The following AK7 variants were observed in gnomAD, a reference collection of about 807,000 sequenced individuals.
AK7 encodes ATP-AMP transphosphorylase 7.
AK7 carries 78 observed loss-of-function variants against 96.6 expected under a neutral mutation model. The ratio of observed to expected loss-of-function variants is 0.81; its 90% CI spans 0.67 to 0.97. The LOEUF is 0.97. Among genes scored for constraint, AK7 ranks in the 50% least tolerant of loss-of-function variants. AK7 has a pLI of 0.00. For missense variants in AK7, 855 were observed against 887.9 expected, an observed-to-expected ratio of 0.96 and a Z score of 0.47; for synonymous variants, 302 against 317.2, an observed-to-expected ratio of 0.95 and a Z score of 0.51.
intron 5 of AK7, chr14:96,424,077 C>T: frequency 1.4e-6 from 1 of 709,274 alleles, no homozygotes; most frequent in Non-Finnish European, 2.6e-6. Context: ...TGGGTCTGTT[C>T]TTCACCTGGG....
intron 17 of AK7, 42 bp from the exon 18 acceptor site, chr14:96,488,263 A>G (rs764091062): frequency 6.4e-7 from 1 of 1,560,560 alleles, no homozygotes; most frequent in South Asian, 1.1e-5. Flanking sequence ...CATGACTAAT[A>G]ATAACTTGTA....
At position 96,395,800 on chromosome 14, in the gene AK7, ATTTTTTTT is replaced by A. The variant is rs1172936912; in HGVS notation, c.106-2252_106-2245del. On this transcript the variant is annotated intron_variant, in intron 1 of 17. Coordinates refer to ENST00000267584, the MANE Select transcript of AK7 (RefSeq NM_152327.5). ...TAAATTAATCCCCTTTTGATTTTGA[ATTTTTTTT>A]TTTTTTTTTTTTTTTTTTTTTTGAG... Among the ~76,000 whole-genome samples the A allele has an allele frequency of 2.3e-4, 16 of 69,036 alleles. No individual in the cohort carries two copies. The East Asian group carries it at 5.7e-3, about 24-fold the overall frequency. 45.3% of individuals were successfully genotyped at this position (69,036 alleles called of 152,430 possible).
intron 12 of AK7, among the ~76,000 whole-genome samples, chr14:96,464,975 G>A (rs1172952430): frequency 1.3e-5 from 2 of 152,170 alleles, no homozygotes; most frequent in African/African-American, 4.8e-5. Flanking sequence ...CACTAAGGAT[G>A]TATCTAGCTT....
At chr14:96,424,792 T>C (rs1284410354) in intron 5 of AK7, among the ~76,000 whole-genome samples, 2 of 152,202 alleles carry the variant, frequency 1.3e-5, no homozygotes, top group Non-Finnish European at 2.9e-5. Context: ...GATTAGATGG[T>C]TTAAATTTAT....
chr14:96,429,172 T>TC (rs201328021), intron 5 of AK7, among the ~76,000 whole-genome samples: 10,653 of 152,214 alleles, frequency 0.07, 1,290 homozygotes, highest in African/African-American at 0.24. Flanking sequence ...GTTTCAGCTT[T>TC]TAGATATGGC....
intron 5 of AK7, among the ~76,000 whole-genome samples, chr14:96,437,357 A>T (rs1026351429): frequency 6.6e-6 from 1 of 152,172 alleles, no homozygotes; most frequent in African/African-American, 2.4e-5. Context: ...ACCCACAAAT[A>T]TTAAAAATTA....
intron 7 of AK7, 132 bp from the exon 8 acceptor site, chr14:96,446,385 T>C (rs1195079435): frequency 4.3e-6 from 3 of 705,210 alleles, no homozygotes; most frequent in East Asian, 5.2e-5. Context: ...CCTGACCGTA[T>C]TGAAAATGGA....
chr14:96,458,321 C>A, intron 12 of AK7, 109 bp downstream of exon 12: 1 of 1,388,788 alleles, frequency 7.2e-7, no homozygotes, highest in Non-Finnish European at 9.6e-7. Context: ...TACAGGCGGG[C>A]GCCATGGCTC....
intron 12 of AK7, among the ~76,000 whole-genome samples, chr14:96,470,486 G>A (rs547203842): frequency 6.6e-6 from 1 of 152,118 alleles, no homozygotes; most frequent in Admixed American, 6.5e-5. Context: ...GGATATTGTG[G>A]TGGAGTTGCA....
At chr14:96,397,013 G>C (rs139891384) in intron 1 of AK7, among the ~76,000 whole-genome samples, 17 of 152,174 alleles carry the variant, frequency 1.1e-4, no homozygotes, top group African/African-American at 3.6e-4. Flanking sequence ...CGGAGGATTG[G>C]TTGAGGCCAG....
Position 96,399,470 on chromosome 14 carries a change from T to G in AK7, c.294+1207T>G, listed in dbSNP as rs996886891. ...TAAAAAACACTTAACTTGGCCTCCC[T>G]GCTGGCCACCAGCCTCTTTCTCTGC... On this transcript the variant is annotated intron_variant, in intron 2 of 17. Transcript: ENST00000267584. The surrounding 1 kb of genome is among the most constrained non-coding windows in gnomAD (Gnocchi z 4.1). 6.6e-6 allele frequency among the ~76,000 whole-genome samples: 1 copy of G among 152,208 alleles called. No individual in the cohort carries two copies. Among genetic ancestry groups the G allele is most frequent in the Non-Finnish European group, 1.5e-5 (1 of 68,040 alleles).
intron 7 of AK7, among the ~76,000 whole-genome samples, chr14:96,443,777 A>G (rs917368678): frequency 7.1e-5 from 3 of 42,284 alleles, no homozygotes; most frequent in Non-Finnish European, 1.2e-4. Context: ...AAAAAAACTC[A>G]TAATTTTTTT....
Position 96,446,538 on chromosome 14 carries a change from T to G in AK7, c.801T>G (p.Asp267Glu). 6.2e-7 allele frequency: 1 copy of G among 1,614,162 alleles called. No homozygotes were observed. Among genetic ancestry groups the G allele is most frequent in the South Asian group, 1.1e-5 (1 of 91,080 alleles). The stretch of plus-strand genomic sequence containing the variant: ...GCAGAGTGATACAAAACGTCATAGA[T>G]CACGTGCCAAAGCCTCACTACCTGG... ...DLAGVIQNVIDHVPKPHYLVA... is the reference protein window; with the variant it reads ...DLAGVIQNVIEHVPKPHYLVA... The change falls in exon 8 of 18, where the codon GAT (aspartate) becomes GAG (glutamate). Residue 267 changes from aspartate to glutamate, a missense_variant. Coordinates refer to ENST00000267584, the MANE Select transcript of AK7 (RefSeq NM_152327.5).
chr14:96,419,618 A>G (rs1288287576), intron 4 of AK7, among the ~76,000 whole-genome samples: 1 of 152,038 alleles, frequency 6.6e-6, no homozygotes, highest in African/African-American at 2.4e-5. Context: ...TGGGCAAGAG[A>G]GCAAGGCCCT....
chr14:96,425,783 C>T (rs575101566), intron 5 of AK7, among the ~76,000 whole-genome samples: 1 of 152,194 alleles, frequency 6.6e-6, no homozygotes, highest in African/African-American at 2.4e-5. Context: ...CGTGCCCAGC[C>T]GTAGTTTGTC....
intron 12 of AK7, among the ~76,000 whole-genome samples, chr14:96,467,428 C>CA (rs1894630647): frequency 6.6e-6 from 1 of 152,036 alleles, no homozygotes; most frequent in African/African-American, 2.4e-5. Context: ...CTCTGCTTCC[C>CA]AGGTTCAGGC....
chr14:96,484,676 G>A (rs1438550524), intron 16 of AK7, among the ~76,000 whole-genome samples: 1 of 152,138 alleles, frequency 6.6e-6, no homozygotes, highest in Non-Finnish European at 1.5e-5. Flanking sequence ...AAAATTCAAT[G>A]TCTACCCCTC....
At chr14:96,416,878 T>G (rs1190440320) in intron 4 of AK7, among the ~76,000 whole-genome samples, 1 of 152,146 alleles carries the variant, frequency 6.6e-6, no homozygotes, top group East Asian at 1.9e-4. Flanking sequence ...TGCGGCCCCC[T>G]CTGGTTGGAA....
chr14:96,437,445 T>C (rs1197494518), intron 5 of AK7, among the ~76,000 whole-genome samples: 1 of 152,162 alleles, frequency 6.6e-6, no homozygotes, highest in Non-Finnish European at 1.5e-5. Context: ...TCCATGTGAA[T>C]TTCCATCCTT....
Sources: gnomAD v4.1 joint callset for allele counts (sites outside exome capture counted in the v4.1 genomes callset) on GRCh38, gnomAD v4.1.1 for gene constraint, Gnocchi (gnomAD v3.1) non-coding constraint, MANE v1.5 for transcripts, NCBI Gene and HGNC (gene_info 2026-07-23, HGNC 2026-07-21) for gene names.